KMT2A: variants seen among roughly 807,000 people sequenced by gnomAD.
The protein encoded by KMT2A is lysine methyltransferase 2A.
In KMT2A, 16 loss-of-function variants were observed where a neutral mutation model predicts 345.3. That is an observed-to-expected ratio of 0.05 (90% confidence interval 0.03 to 0.07). KMT2A has a LOEUF of 0.07. Ranked by LOEUF, KMT2A falls within the 10% of genes least tolerant of loss-of-function variation. KMT2A has a pLI of 1.00. For synonymous variants in KMT2A, 1,599 were observed against 1,778.6 expected, an observed-to-expected ratio of 0.90 and a Z score of 2.54; for missense variants, 3,272 against 4,841.6, an observed-to-expected ratio of 0.68 and a Z score of 9.62.
chr11:118,500,410 C>T (rs139632016), intron 24 of KMT2A, among the ~76,000 whole-genome samples: 33 of 152,264 alleles, frequency 2.2e-4, no homozygotes, highest in African/African-American at 7.2e-4. Context: ...CCCCTTCTAC[C>T]ACTCCCGCGT....
chr11:118,482,223 TCTAA>T, intron 7 of KMT2A, 131 bp downstream of exon 7: 8 of 1,092,872 alleles, frequency 7.3e-6, no homozygotes, highest in South Asian at 1.8e-5. Context: ...CAGCTCTCTT[TCTAA>T]CTATTATGTT....
chr11:118,450,450 T>TGA (rs1949512858), intron 1 of KMT2A: 1 of 152,204 alleles, frequency 6.6e-6, no homozygotes, highest in Non-Finnish European at 1.5e-5. Context: ...GGAGTGGGGA[T>TGA]GAGGGGTACT....
In KMT2A at chr11:118,498,593, C is replaced by A. The variant is rs2134369259; in HGVS notation, c.5961+65C>A. On this transcript the variant is annotated intron_variant, in intron 22 of 35. Transcript: ENST00000534358. The surrounding 1 kb of genome is among the most constrained non-coding windows in gnomAD (Gnocchi z 4.4). Reference sequence around the variant, plus strand: ...CTTTTTTAGAGCAGTTTTAGGTTCACAGCAAAATTGACTGGAAGGTACAGA... The same window carrying A: ...CTTTTTTAGAGCAGTTTTAGGTTCAAAGCAAAATTGACTGGAAGGTACAGA... 1 of 1,491,466 alleles carries A rather than the reference C, an allele frequency of 6.7e-7. No individual in the cohort carries two copies. The allele number at this position is 1,491,466 out of a possible 1,614,324, so 92.4% of individuals were successfully genotyped here. A position where few individuals can be genotyped will look rare whatever the true frequency, so the allele number is the denominator to read the frequency against.
rs1951036645 is a variant in KMT2A at position 118,524,378 on chromosome 11, TC to T, written c.*2207del. On this transcript the variant is annotated 3_prime_UTR_variant, in exon 36 of 36. Coordinates refer to ENST00000534358, the MANE Select transcript of KMT2A (RefSeq NM_001197104.2). ...AGCCCAGCACTCTCTGCCCCAGGAC[TC>T]ATGGCTCTGCTGTGCCTTCCATCCT... 5.2e-6 allele frequency: 1 copy of T among 192,912 alleles called. No individual in the cohort carries two copies. Among genetic ancestry groups the T allele is most frequent in the Non-Finnish European group, 1.1e-5 (1 of 92,010 alleles). 12.0% of individuals were successfully genotyped at this position (192,912 alleles called of 1,614,324 possible).
At chr11:118,468,013 T>C (rs1949877202) in intron 1 of KMT2A, among the ~76,000 whole-genome samples, 1 of 152,232 alleles carries the variant, frequency 6.6e-6, no homozygotes, top group African/African-American at 2.4e-5. Flanking sequence ...AATCCTTTTT[T>C]TTTTTATAGA....
chr11:118,511,676 C>T (rs1950690628), intron 30 of KMT2A, among the ~76,000 whole-genome samples: 1 of 152,182 alleles, frequency 6.6e-6, no homozygotes, highest in African/African-American at 2.4e-5. Flanking sequence ...GATGTGAATG[C>T]GTTGGGGATT....
rs530827450 is a variant in KMT2A, at chr11:118,497,658, A to G, written c.5665-278A>G. Among the ~76,000 whole-genome samples, 31 of 152,320 alleles carry G rather than the reference A, an allele frequency of 2.0e-4. No homozygotes were observed. Among genetic ancestry groups the G allele is most frequent in the African/African-American group, 5.8e-4 (24 of 41,564 alleles). On this transcript the variant is annotated intron_variant, in intron 20 of 35. Coordinates refer to ENST00000534358, the MANE Select transcript of KMT2A (RefSeq NM_001197104.2). The surrounding 1 kb of genome is among the most constrained non-coding windows in gnomAD (Gnocchi z 4.8). ...AGCGATCCTACCACTTCAGCCTCCAAAAGTGCTGGGATTACAGACGTGAAC... is the reference window on the plus strand; with the variant it reads ...AGCGATCCTACCACTTCAGCCTCCAGAAGTGCTGGGATTACAGACGTGAAC...
In KMT2A at chr11:118,498,916, T is replaced by G. The variant is rs1355299531; in HGVS notation, c.5962-387T>G. Among the ~76,000 whole-genome samples the G allele has an allele frequency of 6.6e-6, 1 of 152,226 alleles. No homozygotes were observed. The highest frequency in any genetic ancestry group is 1.5e-5 in the Non-Finnish European group (1 of 68,038). On this transcript the variant is annotated intron_variant, in intron 22 of 35. Transcript: ENST00000534358. The surrounding 1 kb of genome is among the most constrained non-coding windows in gnomAD (Gnocchi z 4.4). Reference sequence around the variant, plus strand: ...CCTCTCCCCAACCCTGGGCAACCACTGATGTTTTTACTATCTCCATAGTCT... The same window carrying G: ...CCTCTCCCCAACCCTGGGCAACCACGGATGTTTTTACTATCTCCATAGTCT...
Position 118,511,890 on chromosome 11 carries a change from G to T in KMT2A, c.11072-61G>T, listed in dbSNP as rs192329155. On this transcript the variant is annotated intron_variant, in intron 30 of 35. Coordinates refer to ENST00000534358, the MANE Select transcript of KMT2A (RefSeq NM_001197104.2). Reference sequence around the variant, plus strand: ...TAAGCAGTGCTTGTGCACATCATTGGTATTAAGAAGGGTTTACGTGCATAT... The same window carrying T: ...TAAGCAGTGCTTGTGCACATCATTGTTATTAAGAAGGGTTTACGTGCATAT... 2.3e-4 allele frequency: 284 copies of T among 1,250,322 alleles called. 5 individuals are homozygous for T. In the Admixed American group the frequency reaches 4.6e-3, roughly 20 times the overall value. The allele number at this position is 1,250,322 out of a possible 1,614,324, so 77.5% of individuals were successfully genotyped here.
rs369080295 is a variant in KMT2A at position 118,491,200 on chromosome 11, C to A, written c.4701C>A (p.Asn1567Lys). 6.2e-7 allele frequency: 1 copy of A among 1,612,934 alleles called. No homozygotes were observed. Among genetic ancestry groups the A allele is most frequent in the Non-Finnish European group, 8.5e-7 (1 of 1,179,630 alleles). Residue 1567 changes from asparagine to lysine, a missense_variant, in exon 14 of 36, where the codon AAC becomes AAA. This residue lies in a region of KMT2A where 120 missense variants were observed against 280.4 expected (regional missense o/e 0.43). Coordinates refer to ENST00000534358, the MANE Select transcript of KMT2A (RefSeq NM_001197104.2). The surrounding 1 kb of genome is among the most constrained non-coding windows in gnomAD (Gnocchi z 4.2). ...TAAACTTTGCTTTGCTTTCAGGAAA[C>A]TTCTGCCCTCTCTGTGACAAATGTT... is the stretch of plus-strand genomic sequence containing the variant. ...HDCAKLFAKG[N>K]FCPLCDKCYD...
chr11:118,477,008 G>C, intron 4 of KMT2A, 26 bp downstream of exon 4: 1 of 1,610,732 alleles, frequency 6.2e-7, no homozygotes, highest in East Asian at 2.2e-5. Flanking sequence ...CAATCTTGGA[G>C]TCGGAACAGA....
At chr11:118,489,088 T>A (rs1305358498) in intron 11 of KMT2A, among the ~76,000 whole-genome samples, 1 of 151,932 alleles carries the variant, frequency 6.6e-6, no homozygotes, top group Admixed American at 6.6e-5. Flanking sequence ...CCAGGTGTGG[T>A]GGTGGGCACC....
At chr11:118,515,812 C>T (rs1439243886) in intron 31 of KMT2A, among the ~76,000 whole-genome samples, 2 of 151,720 alleles carry the variant, frequency 1.3e-5, no homozygotes, top group Non-Finnish European at 2.9e-5. Flanking sequence ...CCTCAGCCTC[C>T]CGAGTAGCTG....
chr11:118,520,032 A>C lies in KMT2A; in HGVS notation c.11397A>C (p.Glu3799Asp), dbSNP rs782400603. ...RQPPEYNPND[E>D]EEEEVQLKSA... ...CTCCTGAATACAACCCCAATGATGA[A>C]GAAGAGGAGGAGGTACAGCTGAAGT... is the stretch of plus-strand genomic sequence containing the variant. The change falls in exon 33 of 36, where the codon GAA (glutamate) becomes GAC (aspartate). Residue 3799 changes from glutamate to aspartate, a missense_variant. Glu to Asp is a conservative substitution (Grantham distance 45, BLOSUM62 2). Around this residue, in one of 27 missense-constraint regions of KMT2A, gnomAD observed 78 missense variants for 254.5 expected, o/e 0.31. Coordinates refer to ENST00000534358, the MANE Select transcript of KMT2A (RefSeq NM_001197104.2). The surrounding 1 kb of genome is among the most constrained non-coding windows in gnomAD (Gnocchi z 4.3). 6.2e-7 allele frequency: 1 copy of C among 1,614,070 alleles called. No individual in the cohort carries two copies. The highest frequency in any genetic ancestry group is 1.1e-5 in the South Asian group (1 of 91,064).
At chr11:118,464,598 C>T (rs1451261774) in intron 1 of KMT2A, among the ~76,000 whole-genome samples, 1 of 150,888 alleles carries the variant, frequency 6.6e-6, no homozygotes, top group Non-Finnish European at 1.5e-5. Context: ...GTGCCAAAAC[C>T]ATTGCACCCA....
chr11:118,477,943 A>T (rs576485905), intron 4 of KMT2A, 24 bp from the exon 5 acceptor site: 1 of 1,595,848 alleles, frequency 6.3e-7, no homozygotes, highest in East Asian at 2.2e-5. Context: ...CTCCCTTGGA[A>T]CTAATGCCAC....
At position 118,521,842 on chromosome 11, in the gene KMT2A, T is replaced by G. The variant is rs200146007; in HGVS notation, c.11644-55T>G. 301 of 1,572,870 alleles carry G rather than the reference T, an allele frequency of 1.9e-4. 1 individual carries two copies. The highest frequency in any genetic ancestry group is 3.8e-5 in the Non-Finnish European group (44 of 1,148,462). The stretch of plus-strand genomic sequence containing the variant: ...TCAAGAGAAGATTGGGACATGTTCT[T>G]AAAGCTGAGTTTATAAGAAATGACA... On this transcript the variant is annotated intron_variant, in intron 35 of 35. Transcript: ENST00000534358. This position sits in a 1 kb window ranked among gnomAD's most constrained non-coding sequence, Gnocchi z 5.3.
At chr11:118,509,584 G>A (rs1555049537) in intron 29 of KMT2A, among the ~76,000 whole-genome samples, 1 of 151,956 alleles carries the variant, frequency 6.6e-6, no homozygotes, top group African/African-American at 2.4e-5. Flanking sequence ...ACATCTCCAT[G>A]GCATTTTCCA....
At chr11:118,501,398 G>A (rs532004906) in intron 25 of KMT2A, among the ~76,000 whole-genome samples, 2 of 152,162 alleles carry the variant, frequency 1.3e-5, no homozygotes, top group African/African-American at 2.4e-5. Context: ...GAACCAGGGA[G>A]GCAGATGTTG....
Sources: gnomAD v4.1 joint callset for allele counts (sites outside exome capture counted in the v4.1 genomes callset) on GRCh38, gnomAD v4.1.1 for gene constraint, gnomAD v4.1.1 regional missense constraint, Gnocchi (gnomAD v3.1) non-coding constraint, MANE v1.5 for transcripts, NCBI Gene and HGNC (gene_info 2026-07-23, HGNC 2026-07-21) for gene names.